ZNF420: variants seen among roughly 807,000 people sequenced by gnomAD.
ZNF420 encodes zinc finger protein 420.
ZNF420 carries 31 observed loss-of-function variants against 44.7 expected under a neutral mutation model. The observed-to-expected ratio is 0.69, with a 90% CI of 0.52 to 0.94. The LOEUF (loss-of-function observed/expected upper bound fraction) is 0.94, where lower values mean the gene tolerates loss of function less well. Ranked by LOEUF, ZNF420 falls within the 40% of genes least tolerant of loss-of-function variation. The pLI is 0.00. For missense variants in ZNF420, 681 were observed against 827.9 expected (o/e 0.82, Z 2.18); for synonymous variants, 245 against 267.4 (o/e 0.92, Z 0.82).
intron 1 of ZNF420, among the ~76,000 whole-genome samples, chr19:37,030,125 C>T (rs1280181002): frequency 6.6e-6 from 1 of 152,104 alleles, no homozygotes; most frequent in African/African-American, 2.4e-5. Context: ...CTTCCTTTCT[C>T]ACTGGTAATC....
chr19:37,081,505 A>AC (rs1568442587), intron 2 of ZNF420, among the ~76,000 whole-genome samples: 1 of 135,380 alleles, frequency 7.4e-6, no homozygotes, highest in African/African-American at 2.8e-5. Flanking sequence ...TGCTTCATGT[A>AC]TTTTTTTTTT....
intron 1 of ZNF420, among the ~76,000 whole-genome samples, chr19:37,023,437 C>T (rs1428387525): frequency 1.3e-5 from 2 of 152,002 alleles, no homozygotes; most frequent in African/African-American, 2.4e-5. Flanking sequence ...GCAATCTTGG[C>T]TCACTGCAGC....
intron 2 of ZNF420, among the ~76,000 whole-genome samples, chr19:37,083,299 T>C (rs1392962291): frequency 6.6e-6 from 1 of 152,168 alleles, no homozygotes; most frequent in African/African-American, 2.4e-5. Context: ...TATGTGAATA[T>C]GTTATTTTAT....
intron 4 of ZNF420, among the ~76,000 whole-genome samples, chr19:37,099,983 G>A (rs1377589398): frequency 6.6e-6 from 1 of 152,076 alleles, no homozygotes; most frequent in African/African-American, 2.4e-5. Flanking sequence ...CTTTGATGTA[G>A]TATGTTTATC....
intron 4 of ZNF420, among the ~76,000 whole-genome samples, chr19:37,115,570 G>A (rs760837069): frequency 2.6e-5 from 4 of 151,936 alleles, no homozygotes; most frequent in African/African-American, 4.8e-5. Context: ...CTGCTAGCAC[G>A]TCTCACCTCC....
Position 37,128,712 on chromosome 19 carries a change from TGACTC to T in ZNF420, c.1722_1726del (p.Gln576SerfsTer11). On this transcript the variant is annotated frameshift_variant, in exon 5 of 5. Transcript: ENST00000337995. LOFTEE classifies it high-confidence loss of function. ...AAAGCCTTTATTCGTGGTTCACAGT[TGACTC>T]AACATCAGCGAATTCACACTGGAGA... is the stretch of plus-strand genomic sequence containing the variant. 1 of 1,614,010 alleles carries T rather than the reference TGACTC, an allele frequency of 6.2e-7. No homozygotes were observed. The highest frequency in any genetic ancestry group is 8.5e-7 in the Non-Finnish European group (1 of 1,179,992).
upstream of ZNF420, among the ~76,000 whole-genome samples, chr19:37,074,018 A>C (rs1968107394): frequency 6.6e-6 from 1 of 152,092 alleles, no homozygotes; most frequent in Non-Finnish European, 1.5e-5. Flanking sequence ...TGGAAAGGCA[A>C]AGCTCTTTTA....
At position 37,051,759 on chromosome 19, in the gene ZNF420, T is replaced by C. The variant is rs553218185; in HGVS notation, c.-124-28586T>C. On this transcript the variant is annotated intron_variant, in intron 1 of 4. Coordinates refer to the ZNF420 transcript ENST00000587029. ...ATCTTAGGTGTTTCTTGCCTTCTGCTAGCTTTTGAATGTGTTTGCTCTTGC... is the reference window on the plus strand; with the variant it reads ...ATCTTAGGTGTTTCTTGCCTTCTGCCAGCTTTTGAATGTGTTTGCTCTTGC... Among the ~76,000 whole-genome samples, 48 of 152,346 alleles carry C rather than the reference T, an allele frequency of 3.2e-4. 2 individuals carry two copies. In the South Asian group the frequency reaches 9.7e-3, roughly 31 times the overall value.
At chr19:37,073,914 A>G (rs958947727), upstream of ZNF420, among the ~76,000 whole-genome samples, 2 of 152,174 alleles carry the variant, frequency 1.3e-5, no homozygotes, top group Non-Finnish European at 2.9e-5. Context: ...ACAGAGGATG[A>G]TAACAGGCTA....
intron 1 of ZNF420, among the ~76,000 whole-genome samples, chr19:37,008,795 C>T (rs375058981): frequency 1.4e-4 from 21 of 152,344 alleles, no homozygotes; most frequent in African/African-American, 4.8e-4. Flanking sequence ...CTCCCTCTTG[C>T]TGTGTCTCCC....
At chr19:37,046,696 A>G (rs1187167152) in intron 1 of ZNF420, among the ~76,000 whole-genome samples, 1 of 152,226 alleles carries the variant, frequency 6.6e-6, no homozygotes, top group Non-Finnish European at 1.5e-5. Context: ...AGTGATTACC[A>G]TGTTGTTCAA....
intron 4 of ZNF420, among the ~76,000 whole-genome samples, chr19:37,125,137 A>G (rs1349343164): frequency 1.3e-5 from 2 of 152,058 alleles, no homozygotes; most frequent in African/African-American, 2.4e-5. Context: ...TGCGCCTGGC[A>G]TGAATAATTG....
At chr19:37,024,088 C>T (rs1471801030) in intron 1 of ZNF420, among the ~76,000 whole-genome samples, 6 of 152,144 alleles carry the variant, frequency 3.9e-5, no homozygotes, top group Non-Finnish European at 8.8e-5. Context: ...TACTTGGAGG[C>T]TTCATCTGCA....
At chr19:37,045,252 T>C (rs1402712132) in intron 1 of ZNF420, among the ~76,000 whole-genome samples, 1 of 152,254 alleles carries the variant, frequency 6.6e-6, no homozygotes. Flanking sequence ...CTTTGATGTT[T>C]GATGATGTTA....
intron 1 of ZNF420, among the ~76,000 whole-genome samples, chr19:37,034,663 G>A (rs1035531384): frequency 6.6e-6 from 1 of 152,248 alleles, no homozygotes; most frequent in South Asian, 2.1e-4. Flanking sequence ...TTGAAGTGGA[G>A]AACAAAGATA....
At chr19:37,041,686 A>G (rs1967455581) in intron 1 of ZNF420, among the ~76,000 whole-genome samples, 1 of 152,222 alleles carries the variant, frequency 6.6e-6, no homozygotes, top group African/African-American at 2.4e-5. Context: ...CTTAAAACAT[A>G]GAGGTGCTAG....
chr19:37,072,825 TTC>T (rs1448507564), intron 1 of ZNF420, among the ~76,000 whole-genome samples: 2 of 152,170 alleles, frequency 1.3e-5, no homozygotes, highest in African/African-American at 2.4e-5. Flanking sequence ...TCAAAATGTT[TTC>T]TGTCATTATT....
chr19:37,129,900 GAAGTAA>G lies in ZNF420; in HGVS notation c.*844_*849del, dbSNP rs1327304158. 6.5e-6 allele frequency: 8 copies of G among 1,230,934 alleles called. No homozygotes were observed. The highest frequency in any genetic ancestry group is 5.4e-6 in the Non-Finnish European group (5 of 927,872). The allele number at this position is 1,230,934 out of a possible 1,614,324, so 76.3% of individuals were successfully genotyped here. ...TTAAAAACTTGAATGTATTGCTTTT[GAAGTAA>G]ACAAAATAACTGATATTACAGACTA... On this transcript the variant is annotated 3_prime_UTR_variant, in exon 5 of 5. Transcript: ENST00000337995.
At chr19:37,089,000 A>G in intron 2 of ZNF420, 39 bp from the exon 3 acceptor site, 2 of 891,982 alleles carry the variant, frequency 2.2e-6, no homozygotes, top group Non-Finnish European at 3.7e-6. Context: ...GTTACTTTGC[A>G]AAACACCTGG....
Sources: gnomAD v4.1 joint callset for allele counts (sites outside exome capture counted in the v4.1 genomes callset) on GRCh38, gnomAD v4.1.1 for gene constraint, MANE v1.5 for transcripts, NCBI Gene and HGNC (gene_info 2026-07-23, HGNC 2026-07-21) for gene names.